PDE1C: variants seen among roughly 807,000 people sequenced by gnomAD.
PDE1C encodes phosphodiesterase 1C.
Under a neutral mutation model 93.1 loss-of-function variants are expected in PDE1C, and 62 were observed. The ratio of observed to expected loss-of-function variants is 0.67; its 90% CI spans 0.54 to 0.82. The LOEUF (loss-of-function observed/expected upper bound fraction) is 0.82. Ranked by LOEUF, PDE1C falls within the 40% of genes least tolerant of loss-of-function variation. The pLI, the probability that PDE1C is intolerant of heterozygous loss-of-function variation, is 0.00. For synonymous variants in PDE1C, 325 were observed against 310.1 expected, an observed-to-expected ratio of 1.05 and a Z score of -0.50; for missense variants, 742 against 884.6, an observed-to-expected ratio of 0.84 and a Z score of 2.04.
Position 32,427,341 on chromosome 7 carries a change from T to C in PDE1C, c.310+481A>G, listed in dbSNP as rs1280573356. ...GCAATGAAAGCAGCACGTCCACCTC[T>C]GACTTCAAATCGTGTGTGCTCTTTT... On this transcript the variant is annotated intron_variant, in intron 1 of 1. Transcript: ENST00000672256. 6.6e-5 allele frequency among the ~76,000 whole-genome samples: 10 copies of C among 152,292 alleles called. No individual in the cohort carries two copies. The East Asian group carries it at 1.5e-3, about 24-fold the overall frequency.
chr7:32,047,993 G>A (rs886395299), intron 2 of PDE1C, among the ~76,000 whole-genome samples: 2 of 152,174 alleles, frequency 1.3e-5, no homozygotes, highest in Admixed American at 6.5e-5. Flanking sequence ...TTCCTACCAT[G>A]AGAAAGGAAT....
intron 3 of PDE1C, among the ~76,000 whole-genome samples, chr7:32,097,427 G>A (rs1388858848): frequency 6.6e-6 from 1 of 152,196 alleles, no homozygotes; most frequent in Non-Finnish European, 1.5e-5. Flanking sequence ...CCCAACTCCA[G>A]GGCTCAGATG....
At chr7:32,148,360 TA>T (rs1801035203) in intron 3 of PDE1C, among the ~76,000 whole-genome samples, 1 of 152,192 alleles carries the variant, frequency 6.6e-6, no homozygotes, top group Non-Finnish European at 1.5e-5. Context: ...ATTATTGAGA[TA>T]TTTTATTTGT....
the PDE1C span, among the ~76,000 whole-genome samples, chr7:31,713,040 C>A: frequency 6.6e-6 from 1 of 152,160 alleles, no homozygotes; most frequent in Non-Finnish European, 1.5e-5. Context: ...CAAAACCAAT[C>A]ATGTCTTTTC....
chr7:32,093,577 G>C (rs1441141247), intron 3 of PDE1C, among the ~76,000 whole-genome samples: 2 of 152,216 alleles, frequency 1.3e-5, no homozygotes, highest in Non-Finnish European at 2.9e-5. Context: ...TGCACCATTT[G>C]CTGGCCCTGC....
the PDE1C span, among the ~76,000 whole-genome samples, chr7:31,714,450 C>G: frequency 2.0e-5 from 3 of 152,332 alleles, no homozygotes; most frequent in South Asian, 6.2e-4. Flanking sequence ...TCTGAGCCCT[C>G]CAAACTCTTC....
intron 9 of PDE1C, among the ~76,000 whole-genome samples, chr7:31,844,743 T>C (rs1452749335): frequency 6.6e-6 from 1 of 152,054 alleles, no homozygotes; most frequent in Non-Finnish European, 1.5e-5. Context: ...CCATTCTCTC[T>C]CTTTTCTCTC....
chr7:32,119,822 C>A (rs1004568165), intron 3 of PDE1C, among the ~76,000 whole-genome samples: 4 of 152,228 alleles, frequency 2.6e-5, no homozygotes, highest in African/African-American at 9.6e-5. Flanking sequence ...TGAAGTCCTG[C>A]GGATTCTCAA....
chr7:31,687,060 G>A, the PDE1C span: 2 of 152,192 alleles, frequency 1.3e-5, no homozygotes, highest in African/African-American at 4.8e-5. Context: ...CTGTACTTTT[G>A]TAATGTACAA....
intron 1 of PDE1C, among the ~76,000 whole-genome samples, chr7:32,346,522 A>C (rs1783855527): frequency 1.3e-5 from 2 of 152,206 alleles, no homozygotes; most frequent in South Asian, 4.1e-4. Flanking sequence ...AAGGGTCTAC[A>C]CTCACCTTGA....
intron 1 of PDE1C, among the ~76,000 whole-genome samples, chr7:32,305,558 C>T (rs1404378416): frequency 6.6e-6 from 1 of 152,232 alleles, no homozygotes; most frequent in African/African-American, 2.4e-5. Flanking sequence ...CTGAAATCTT[C>T]CTCTTCCTAT....
the PDE1C span, among the ~76,000 whole-genome samples, chr7:31,698,358 C>T: frequency 6.6e-6 from 1 of 152,310 alleles, no homozygotes; most frequent in Non-Finnish European, 1.5e-5. Flanking sequence ...CTCTTCTTCT[C>T]TTCCCACTTC....
At chr7:31,791,651 G>T (rs1784606749) in intron 16 of PDE1C, among the ~76,000 whole-genome samples, 1 of 152,080 alleles carries the variant, frequency 6.6e-6, no homozygotes, top group Non-Finnish European at 1.5e-5. Context: ...GATGACAGAA[G>T]GTTGGGTTTG....
intron 1 of PDE1C, among the ~76,000 whole-genome samples, chr7:32,360,133 G>C (rs928483591): frequency 1.3e-5 from 2 of 152,188 alleles, no homozygotes; most frequent in Non-Finnish European, 2.9e-5. Flanking sequence ...TTAGAGGGCA[G>C]AGACCAACTC....
At chr7:31,640,019 G>A in the PDE1C span, among the ~76,000 whole-genome samples, 4 of 152,144 alleles carry the variant, frequency 2.6e-5, no homozygotes, top group Non-Finnish European at 5.9e-5. Context: ...ATAGGTGGTA[G>A]ATAGTACTAT....
At chr7:32,373,849 G>C (rs547489837) in intron 1 of PDE1C, among the ~76,000 whole-genome samples, 1 of 152,028 alleles carries the variant, frequency 6.6e-6, no homozygotes, top group African/African-American at 2.4e-5. Flanking sequence ...TTAGCCAGGC[G>C]TGGTGGCGTA....
At chr7:32,275,209 C>A (rs927475247) in intron 1 of PDE1C, among the ~76,000 whole-genome samples, 4 of 152,096 alleles carry the variant, frequency 2.6e-5, no homozygotes, top group African/African-American at 7.2e-5. Flanking sequence ...TATATAGATG[C>A]CTTTTCTACT....
intron 3 of PDE1C, among the ~76,000 whole-genome samples, chr7:32,083,630 C>G (rs1386817719): frequency 6.6e-6 from 1 of 152,036 alleles, no homozygotes; most frequent in East Asian, 1.9e-4. Context: ...AAAGGGAAGC[C>G]CATCAGACTA....
chr7:31,809,180 G>T (rs550753713), intron 15 of PDE1C, 72 bp from the exon 16 acceptor site: 14 of 815,958 alleles, frequency 1.7e-5, no homozygotes, highest in Non-Finnish European at 2.8e-5. Flanking sequence ...CTTTAAGTCT[G>T]CCAAGTTTTG....
Sources: allele counts gnomAD v4.1 joint callset (sites outside exome capture counted in the v4.1 genomes callset), GRCh38; gene constraint gnomAD v4.1.1; transcripts MANE v1.5; gene names NCBI Gene and HGNC (gene_info 2026-07-23, HGNC 2026-07-21).